ACSS2: variants seen among roughly 807,000 people sequenced by gnomAD.
ACSS2 encodes the protein acetyl-coenzyme A synthetase, cytoplasmic.
ACSS2 carries 58 observed loss-of-function variants against 90.6 expected under a neutral mutation model. The ratio of observed to expected loss-of-function variants is 0.64; its 90% confidence interval spans 0.52 to 0.80. The LOEUF (loss-of-function observed/expected upper bound fraction) is 0.80, where lower values mean the gene tolerates loss of function less well. Ranked by LOEUF, ACSS2 falls within the 30% of genes least tolerant of loss-of-function variation. The pLI, the probability that ACSS2 is intolerant of heterozygous loss-of-function variation, is 0.00. For synonymous variants in ACSS2, 300 were observed against 330.9 expected (o/e 0.91, Z 1.01); for missense variants, 759 against 912.0 (o/e 0.83, Z 2.16).
At chr20:34,884,472 A>G (rs2080141246) in intron 2 of ACSS2, among the ~76,000 whole-genome samples, 1 of 152,268 alleles carries the variant, frequency 6.6e-6, no homozygotes, top group Admixed American at 6.5e-5. Flanking sequence ...TTCCTCTTCC[A>G]TAAAATGGGG....
At position 34,926,201 on chromosome 20, in the gene ACSS2, G is replaced by A. The variant is rs754381719; in HGVS notation, c.1823G>A (p.Gly608Asp). ...AVVGHPHPVK[G>D]ECLYCFVTLC... ...GTGGGCCACCCTCATCCTGTGAAGG[G>A]TGAATGCCTCTACTGCTTTGTCACC... Residue 608 changes from glycine to aspartate, a missense_variant, in exon 16 of 18, where the codon GGT (glycine) becomes GAT (aspartate). Coordinates refer to ENST00000360596, the MANE Select transcript of ACSS2 (RefSeq NM_018677.4). The A allele has an allele frequency of 2.5e-6, 4 of 1,614,096 alleles. No individual in the cohort carries two copies. The highest frequency in any genetic ancestry group is 3.4e-6 in the Non-Finnish European group (4 of 1,180,038).
intron 7 of ACSS2, 133 bp downstream of exon 7, chr20:34,914,570 C>T (rs1183667153): frequency 4.8e-5 from 37 of 772,678 alleles, no homozygotes; most frequent in Non-Finnish European, 6.9e-5. Context: ...GGAATGCCTC[C>T]TCTAGCAGGG....
At chr20:34,906,252 G>A (rs983546969) in intron 2 of ACSS2, among the ~76,000 whole-genome samples, 1 of 150,998 alleles carries the variant, frequency 6.6e-6, no homozygotes, top group African/African-American at 2.4e-5. Context: ...GGAGAATGGC[G>A]TGAACCTAGG....
chr20:34,916,081 ACCTCTTAGGCCAATGGTAGATATAAGC>A (rs531261415), intron 7 of ACSS2, among the ~76,000 whole-genome samples: 2 of 152,314 alleles, frequency 1.3e-5, no homozygotes, highest in African/African-American at 4.8e-5. Flanking sequence ...GCTATGATTA[ACCTCTTAGGCCAATGGTAGATATAAGC>A]CCCTTTTCTC....
intron 2 of ACSS2, among the ~76,000 whole-genome samples, chr20:34,901,396 T>C (rs1401494553): frequency 6.6e-6 from 1 of 152,118 alleles, no homozygotes; most frequent in Non-Finnish European, 1.5e-5. Context: ...TATCTGGCCC[T>C]CCTCTGGCAT....
chr20:34,926,110 C>T lies in ACSS2; in HGVS notation c.1732C>T (p.Leu578=), dbSNP rs2081313343. ...IDDMLNVSGH[L]LSTAEVESAL... is the part of the protein sequence containing the mutation. Reference sequence around the variant, plus strand: ...ACTTCCTTTCCCTTGACAAGGACACCTGCTGAGTACAGCAGAGGTGGAGTC... The same window carrying T: ...ACTTCCTTTCCCTTGACAAGGACACTTGCTGAGTACAGCAGAGGTGGAGTC... The change falls in exon 16 of 18, where the codon CTG becomes TTG. Residue 578 remains leucine (L), a synonymous_variant. Coordinates refer to ENST00000360596, the MANE Select transcript of ACSS2 (RefSeq NM_018677.4). 6.2e-7 allele frequency: 1 copy of T among 1,614,162 alleles called. No individual in the cohort carries two copies. The highest frequency in any genetic ancestry group is 8.5e-7 in the Non-Finnish European group (1 of 1,180,010).
At position 34,920,628 on chromosome 20, in the gene ACSS2, G is replaced by T. The variant is rs1357167868; in HGVS notation, c.1062G>T (p.Trp354Cys). ...ACTTCCATGCAGAGGATGTGTTCTG[G>T]TGCACGGCAGACATTGGTTGGATCA... The part of the protein sequence containing the change: ...VFDFHAEDVF[W>C]CTADIGWITG... Residue 354 changes from tryptophan to cysteine, a missense_variant, in exon 9 of 18, where the codon TGG becomes TGT. Transcript: ENST00000360596. 6.2e-7 allele frequency: 1 copy of T among 1,614,208 alleles called. No homozygotes were observed. The highest frequency in any genetic ancestry group is 8.5e-7 in the Non-Finnish European group (1 of 1,180,034).
chr20:34,878,021 T>A (rs1462059678), intron 1 of ACSS2, among the ~76,000 whole-genome samples: 1 of 152,078 alleles, frequency 6.6e-6, no homozygotes, highest in Admixed American at 6.5e-5. Flanking sequence ...ATAGCCTGCA[T>A]CTCCTGGGCT....
intron 14 of ACSS2, among the ~76,000 whole-genome samples, chr20:34,923,648 G>A (rs1465708732): frequency 1.3e-5 from 2 of 152,182 alleles, no homozygotes; most frequent in East Asian, 1.9e-4. Context: ...TTCCAATCAC[G>A]GCAGAAAGCA....
intron 2 of ACSS2, among the ~76,000 whole-genome samples, chr20:34,903,356 AAG>A (rs1555883255): frequency 1.3e-5 from 2 of 150,804 alleles, no homozygotes; most frequent in East Asian, 3.9e-4. Context: ...AAAAAAAAAA[AAG>A]ATCACAGATC....
rs778878776 is a variant in ACSS2 at position 34,927,236 on chromosome 20, A to G, written c.*22A>G. 3 of 1,611,668 alleles carry G rather than the reference A, an allele frequency of 1.9e-6. No homozygotes were observed. Among genetic ancestry groups the G allele is most frequent in the South Asian group, 2.2e-5 (2 of 91,010 alleles). On this transcript the variant is annotated 3_prime_UTR_variant, in exon 18 of 18. Transcript: ENST00000360596. The surrounding 1 kb of genome is among the most constrained non-coding windows in gnomAD (Gnocchi z 4.2). ...GTGAACATGATCCTGACCTTTACCTAGGATTCCTCCTGCTCCAAACTTTGC... is the reference window on the plus strand; with the variant it reads ...GTGAACATGATCCTGACCTTTACCTGGGATTCCTCCTGCTCCAAACTTTGC...
At position 34,926,031 on chromosome 20, in the gene ACSS2, C is replaced by G. The variant is rs1600368894; in HGVS notation, c.1727-74C>G. 4 of 1,536,722 alleles carry G rather than the reference C, an allele frequency of 2.6e-6. No individual in the cohort carries two copies. The East Asian group carries it at 9.0e-5, about 35-fold the overall frequency. The stretch of plus-strand genomic sequence containing the variant: ...CCATTTGGCCAGACCAGGACTGCCC[C>G]ATGGGTACAGATGGAGCATGGGCTG... On this transcript the variant is annotated intron_variant, in intron 15 of 17. Transcript: ENST00000360596.
rs1001456942 is a variant in ACSS2, at chr20:34,918,102, G to A, written c.835-1333G>A. ...CCCAGTAGTCACTGAACTAACCTCT[G>A]TCTCTCCTGACATTCATCAGTCTTC... On this transcript the variant is annotated intron_variant, in intron 7 of 17. Transcript: ENST00000360596. Among the ~76,000 whole-genome samples the A allele has an allele frequency of 6.6e-5, 10 of 152,298 alleles. No homozygotes were observed. The East Asian group carries it at 1.9e-3, about 29-fold the overall frequency.
intron 2 of ACSS2, 157 bp downstream of exon 2, chr20:34,883,146 G>T (rs1299889643): frequency 1.7e-6 from 1 of 591,646 alleles, no homozygotes; most frequent in Non-Finnish European, 2.9e-6. Context: ...CACATAACTA[G>T]TATGTGACAG....
rs1170749059 is a variant in ACSS2 at position 34,921,421 on chromosome 20, C to T, written c.1369C>T (p.Gln457Ter). Residue 457 changes from glutamine to a stop codon, truncating the protein, a stop_gained, in exon 11 of 18, where the codon CAG becomes TAG. Coordinates refer to ENST00000360596, the MANE Select transcript of ACSS2 (RefSeq NM_018677.4). LOFTEE classifies it high-confidence loss of function. ...ATGGTACCACCGGGTGGTAGGTGCCCAGCGCTGCCCCATCGTGGACACCTT... is the reference window on the plus strand; with the variant it reads ...ATGGTACCACCGGGTGGTAGGTGCCTAGCGCTGCCCCATCGTGGACACCTT... Reference protein sequence around the residue: ...WLWYHRVVGAQRCPIVDTFWQ... With the variant: ...WLWYHRVVGA 1 of 1,614,054 alleles carries T rather than the reference C, an allele frequency of 6.2e-7. No individual in the cohort carries two copies. The highest frequency in any genetic ancestry group is 1.3e-5 in the African/African-American group (1 of 74,914).
chr20:34,923,273 C>T (rs775610588), intron 13 of ACSS2, 50 bp from the exon 14 acceptor site: 2 of 1,295,174 alleles, frequency 1.5e-6, no homozygotes, highest in Admixed American at 1.7e-5. Flanking sequence ...AATTATCTTC[C>T]AGTGAGACAG....
At chr20:34,905,720 G>A (rs1197347577) in intron 2 of ACSS2, among the ~76,000 whole-genome samples, 1 of 152,214 alleles carries the variant, frequency 6.6e-6, no homozygotes, top group Non-Finnish European at 1.5e-5. Flanking sequence ...CAGTTTTCCT[G>A]TCCTTCCCCT....
chr20:34,906,758 G>A (rs139899335), intron 2 of ACSS2, among the ~76,000 whole-genome samples: 3,692 of 152,024 alleles, frequency 0.024, 144 homozygotes, highest in African/African-American at 0.082. Flanking sequence ...CGAGGCAGGC[G>A]GATCACCTGA....
intron 2 of ACSS2, among the ~76,000 whole-genome samples, chr20:34,895,751 C>T (rs1323477898): frequency 6.6e-6 from 1 of 152,200 alleles, no homozygotes; most frequent in East Asian, 1.9e-4. Flanking sequence ...AGAACCAACT[C>T]AGACAGATCA....
Sources: gnomAD v4.1 joint callset for allele counts (sites outside exome capture counted in the v4.1 genomes callset) on GRCh38, gnomAD v4.1.1 for gene constraint, Gnocchi (gnomAD v3.1) non-coding constraint, MANE v1.5 for transcripts, NCBI Gene and HGNC (gene_info 2026-07-23, HGNC 2026-07-21) for gene names.